GALNT17: variants seen among roughly 807,000 people sequenced by gnomAD.
GALNT17 encodes the protein polypeptide N-acetylgalactosaminyltransferase 17.
GALNT17 carries 29 observed loss-of-function variants against 63.7 expected under a neutral mutation model. The ratio of observed to expected loss-of-function variants is 0.46; its 90% CI spans 0.34 to 0.62. The LOEUF is 0.62. Ranked by LOEUF, GALNT17 falls within the 20% of genes least tolerant of loss-of-function variation. The pLI, the probability that GALNT17 is intolerant of heterozygous loss-of-function variation, is 0.01. For synonymous variants in GALNT17, 305 were observed against 318.3 expected (o/e 0.96, Z 0.45); for missense variants, 603 against 799.6 (o/e 0.75, Z 2.97).
chr7:71,290,400 G>A (rs746556513), intron 1 of GALNT17, among the ~76,000 whole-genome samples: 5 of 152,244 alleles, frequency 3.3e-5, no homozygotes, highest in South Asian at 2.1e-4. Context: ...TTGCGATGCC[G>A]TCTTGCAGGT....
At chr7:71,338,074 T>C (rs1791942354) in intron 2 of GALNT17, among the ~76,000 whole-genome samples, 1 of 151,886 alleles carries the variant, frequency 6.6e-6, no homozygotes, top group South Asian at 2.1e-4. Context: ...TGGCCTGTAA[T>C]CCCAGCACTT....
chr7:71,414,339 TATG>T (rs2116430587), intron 3 of GALNT17, among the ~76,000 whole-genome samples: 1 of 152,336 alleles, frequency 6.6e-6, no homozygotes, highest in Admixed American at 6.5e-5. Flanking sequence ...CATTAATAAT[TATG>T]ATAAACCAAT....
chr7:71,625,393 G>A (rs111844223), intron 6 of GALNT17, among the ~76,000 whole-genome samples: 7 of 152,036 alleles, frequency 4.6e-5, no homozygotes, highest in African/African-American at 7.3e-5. Flanking sequence ...TGATCCACCC[G>A]CCTTGGCCTC....
chr7:71,628,286 T>A (rs1202342423), intron 6 of GALNT17, among the ~76,000 whole-genome samples: 1 of 152,188 alleles, frequency 6.6e-6, no homozygotes, highest in East Asian at 1.9e-4. Context: ...TCAACCGACA[T>A]AAATTTGCTC....
At chr7:71,400,894 C>G (rs1322129553) in intron 3 of GALNT17, among the ~76,000 whole-genome samples, 1 of 152,128 alleles carries the variant, frequency 6.6e-6, no homozygotes, top group Admixed American at 6.5e-5. Flanking sequence ...ATGGGATATG[C>G]TAAGAATTAA....
intron 1 of GALNT17, among the ~76,000 whole-genome samples, chr7:71,216,529 C>G (rs890390616): frequency 6.6e-6 from 1 of 151,960 alleles, no homozygotes. Context: ...TTACAACACA[C>G]ACACATATAC....
intron 3 of GALNT17, among the ~76,000 whole-genome samples, chr7:71,403,674 GA>G (rs1793278544): frequency 6.6e-6 from 1 of 152,102 alleles, no homozygotes; most frequent in Admixed American, 6.6e-5. Flanking sequence ...CCTGAATACG[GA>G]GCACCCCAGA....
chr7:71,659,459 C>G (rs988666013), intron 6 of GALNT17, among the ~76,000 whole-genome samples: 2 of 152,212 alleles, frequency 1.3e-5, no homozygotes, highest in African/African-American at 4.8e-5. Context: ...TGGCCTCACT[C>G]CCATGCCTTA....
intron 3 of GALNT17, among the ~76,000 whole-genome samples, chr7:71,388,607 A>G (rs184515806): frequency 0.016 from 2,354 of 151,460 alleles, 22 homozygotes; most frequent in African/African-American, 0.027. Flanking sequence ...GCTCACTGCA[A>G]CCTCCACCTC....
intron 5 of GALNT17, among the ~76,000 whole-genome samples, chr7:71,476,731 A>G (rs2116629672): frequency 6.6e-6 from 1 of 152,240 alleles, no homozygotes; most frequent in East Asian, 1.9e-4. Context: ...GCCACTAAAG[A>G]TCTTAACAAT....
At chr7:71,574,155 T>C (rs1789497503) in intron 6 of GALNT17, among the ~76,000 whole-genome samples, 1 of 152,236 alleles carries the variant, frequency 6.6e-6, no homozygotes, top group Non-Finnish European at 1.5e-5. Context: ...GAATGATTTG[T>C]ATTCTTTTGG....
At chr7:71,582,666 G>A (rs1789653924) in intron 6 of GALNT17, among the ~76,000 whole-genome samples, 3 of 152,282 alleles carry the variant, frequency 2.0e-5, no homozygotes, top group Admixed American at 6.5e-5. Flanking sequence ...GGCATTTGCA[G>A]CAACATGAAT....
At chr7:71,667,547 G>A (rs950709415) in intron 7 of GALNT17, among the ~76,000 whole-genome samples, 2 of 152,206 alleles carry the variant, frequency 1.3e-5, no homozygotes, top group Admixed American at 6.5e-5. Context: ...TAGGACTCCC[G>A]TGAAGATAAA....
At chr7:71,551,324 T>C (rs762863320) in intron 5 of GALNT17, among the ~76,000 whole-genome samples, 15 of 152,222 alleles carry the variant, frequency 9.9e-5, no homozygotes, top group Non-Finnish European at 1.8e-4. Flanking sequence ...TTGTGCTACT[T>C]TTTGTGATTT....
intron 5 of GALNT17, among the ~76,000 whole-genome samples, chr7:71,452,504 A>G (rs1488802362): frequency 6.6e-6 from 1 of 151,564 alleles, no homozygotes; most frequent in Non-Finnish European, 1.5e-5. Context: ...TCAAGGTCAC[A>G]CCATTGCACC....
chr7:71,395,461 C>T (rs1793122079), intron 3 of GALNT17, among the ~76,000 whole-genome samples: 1 of 152,102 alleles, frequency 6.6e-6, no homozygotes, highest in African/African-American at 2.4e-5. Context: ...AGATACAGCA[C>T]ATTTTATTTA....
chr7:71,428,326 A>G (rs1786797813), intron 5 of GALNT17, among the ~76,000 whole-genome samples: 1 of 152,028 alleles, frequency 6.6e-6, no homozygotes, highest in African/African-American at 2.4e-5. Flanking sequence ...TGGACATTTC[A>G]TATAAGTGGA....
intron 1 of GALNT17, among the ~76,000 whole-genome samples, chr7:71,283,157 C>G (rs575807240): frequency 2.0e-4 from 30 of 152,006 alleles, no homozygotes; most frequent in Non-Finnish European, 3.2e-4. Flanking sequence ...TCAGCCCCCC[C>G]CAAGTAGCTG....
chr7:71,183,807 G>A (rs988924696), intron 1 of GALNT17, among the ~76,000 whole-genome samples: 3 of 151,960 alleles, frequency 2.0e-5, no homozygotes, highest in African/African-American at 7.3e-5. Context: ...GGAGAATCGC[G>A]TGAACCCGGT....
Sources: allele counts gnomAD v4.1 joint callset (sites outside exome capture counted in the v4.1 genomes callset), GRCh38; gene constraint gnomAD v4.1.1; transcripts MANE v1.5; gene names NCBI Gene and HGNC (gene_info 2026-07-23, HGNC 2026-07-21).